Variants in SNX29 observed in about 807,000 individuals in gnomAD.
The protein encoded by SNX29 is sorting nexin 29, also known as sorting nexin-29.
A neutral mutation model predicts 102.1 loss-of-function variants in SNX29; 78 were observed. The observed-to-expected ratio is 0.76, with a 90% CI of 0.64 to 0.92. SNX29 has a LOEUF of 0.92. SNX29 is among the 40% of genes least tolerant of loss of function. The pLI is 0.00. For synonymous variants in SNX29, 580 were observed against 414.5 expected, an observed-to-expected ratio of 1.40 and a Z score of -4.85; for missense variants, 1,280 against 1,061.7, an observed-to-expected ratio of 1.21 and a Z score of -2.86.
At chr16:12,329,981 G>A (rs949484026) in intron 15 of SNX29, among the ~76,000 whole-genome samples, 3 of 152,204 alleles carry the variant, frequency 2.0e-5, no homozygotes, top group Admixed American at 1.3e-4. Context: ...GGGCTGTTGC[G>A]TCTGAGACAC....
chr16:12,336,710 C>T (rs770404258), intron 15 of SNX29, among the ~76,000 whole-genome samples: 7 of 152,026 alleles, frequency 4.6e-5, no homozygotes, highest in Non-Finnish European at 7.4e-5. Context: ...TTTGGGAGGC[C>T]GAAGCAGGAG....
chr16:12,502,942 A>C (rs573275708), intron 19 of SNX29, among the ~76,000 whole-genome samples: 11 of 152,302 alleles, frequency 7.2e-5, no homozygotes, highest in African/African-American at 2.4e-4. Context: ...GCAAAGAAGC[A>C]CTCACGTTGC....
In SNX29 at chr16:12,547,350, G is replaced by C. The variant is rs142147486; in HGVS notation, c.2319-21156G>C. ...AGGCCTTGCAGCCAAGGGAACTCTAGCTGCCATGTGGAGTCAGCAAAGGGT... is the reference window on the plus strand; with the variant it reads ...AGGCCTTGCAGCCAAGGGAACTCTACCTGCCATGTGGAGTCAGCAAAGGGT... On this transcript the variant is annotated intron_variant, in intron 20 of 20. Transcript: ENST00000566228. Among the ~76,000 whole-genome samples, 27 of 152,344 alleles carry C rather than the reference G, an allele frequency of 1.8e-4. No individual in the cohort carries two copies. The East Asian group carries it at 4.6e-3, about 26-fold the overall frequency.
intron 20 of SNX29, among the ~76,000 whole-genome samples, chr16:12,525,571 A>G (rs1275793201): frequency 6.6e-6 from 1 of 151,936 alleles, no homozygotes; most frequent in Non-Finnish European, 1.5e-5. Flanking sequence ...AGGCGCCTGT[A>G]GTCCCAGCTA....
intron 14 of SNX29, among the ~76,000 whole-genome samples, chr16:12,256,834 C>A (rs574526702): frequency 2.0e-5 from 3 of 152,330 alleles, no homozygotes; most frequent in South Asian, 2.1e-4. Context: ...CACATGCTCA[C>A]AACCATTGGT....
chr16:12,365,414 G>A (rs1178829319), intron 16 of SNX29, among the ~76,000 whole-genome samples: 1 of 151,870 alleles, frequency 6.6e-6, no homozygotes, highest in African/African-American at 2.4e-5. Context: ...CGGAGGCCGG[G>A]CGTGGTGGCT....
chr16:12,328,576 T>G (rs775643596), intron 15 of SNX29, among the ~76,000 whole-genome samples: 15 of 152,044 alleles, frequency 9.9e-5, no homozygotes, highest in Non-Finnish European at 2.1e-4. Context: ...TTCCTCGTTC[T>G]CTGTCCCCAG....
chr16:12,158,501 G>A (rs1366454388), intron 13 of SNX29, among the ~76,000 whole-genome samples: 1 of 152,192 alleles, frequency 6.6e-6, no homozygotes, highest in East Asian at 1.9e-4. Flanking sequence ...CACCCAGCCG[G>A]TTTTAATTGT....
chr16:12,132,151 T>G (rs978460980), intron 13 of SNX29, among the ~76,000 whole-genome samples: 1 of 150,680 alleles, frequency 6.6e-6, no homozygotes, highest in South Asian at 2.1e-4. Context: ...CAGGCTGGAG[T>G]GCAGTGGCAT....
Position 12,572,353 on chromosome 16 carries a change from C to G in SNX29, c.*3724C>G, listed in dbSNP as rs888955622. 1 of 1,062,030 alleles carries G rather than the reference C, an allele frequency of 9.4e-7. No individual in the cohort carries two copies. The highest frequency in any genetic ancestry group is 1.6e-5 in the African/African-American group (1 of 60,948). The allele number at this position is 1,062,030 out of a possible 1,614,324, so 65.8% of individuals were successfully genotyped here. A position where few individuals can be genotyped will look rare whatever the true frequency, so the allele number is the denominator to read the frequency against. On this transcript the variant is annotated 3_prime_UTR_variant, in exon 21 of 21. Transcript: ENST00000566228. ...CCCACCAGCCTGCCTGGTTGATGGA[C>G]AGCAGGCTCTGCCTTCTGGAGGCGG... is the stretch of plus-strand genomic sequence containing the variant.
intron 10 of SNX29, among the ~76,000 whole-genome samples, chr16:12,077,928 A>T (rs2051662566): frequency 6.6e-6 from 1 of 152,144 alleles, no homozygotes; most frequent in Non-Finnish European, 1.5e-5. Context: ...GCCTGGTCAC[A>T]GCATTTTTAT....
intron 20 of SNX29, among the ~76,000 whole-genome samples, chr16:12,567,694 C>A (rs779476294): frequency 1.3e-5 from 2 of 152,092 alleles, no homozygotes; most frequent in African/African-American, 4.8e-5. Flanking sequence ...CCCAGGAGAT[C>A]GAGGCTGCAG....
chr16:12,340,587 A>C (rs1395303622), intron 15 of SNX29, among the ~76,000 whole-genome samples: 1 of 152,190 alleles, frequency 6.6e-6, no homozygotes, highest in Non-Finnish European at 1.5e-5. Flanking sequence ...TCTGGAGCAG[A>C]GTGACCACTT....
chr16:12,155,154 G>A (rs181935452), intron 13 of SNX29, among the ~76,000 whole-genome samples: 7 of 152,140 alleles, frequency 4.6e-5, no homozygotes, highest in East Asian at 3.9e-4. Flanking sequence ...CACCCCTTCC[G>A]CGCCCAGGGG....
intron 3 of SNX29, among the ~76,000 whole-genome samples, chr16:12,007,453 C>T (rs932329953): frequency 6.6e-6 from 1 of 151,728 alleles, no homozygotes; most frequent in South Asian, 2.1e-4. Context: ...TGCAGTAAGC[C>T]GAGATCACAC....
intron 15 of SNX29, among the ~76,000 whole-genome samples, chr16:12,294,608 G>A (rs1293123458): frequency 1.3e-5 from 2 of 152,152 alleles, no homozygotes; most frequent in East Asian, 1.9e-4. Flanking sequence ...AGCTGGTCCC[G>A]CCTCCCTGCC....
At chr16:12,256,075 G>C (rs1378067580) in intron 14 of SNX29, among the ~76,000 whole-genome samples, 1 of 152,158 alleles carries the variant, frequency 6.6e-6, no homozygotes, top group Non-Finnish European at 1.5e-5. Flanking sequence ...CTTAACAGGT[G>C]TGAGGTGCTA....
At chr16:12,347,856 T>A (rs2081862395) in intron 15 of SNX29, among the ~76,000 whole-genome samples, 1 of 151,284 alleles carries the variant, frequency 6.6e-6, no homozygotes, top group Non-Finnish European at 1.5e-5. Context: ...GGCAGGAGGA[T>A]TCCTTGAGTC....
At chr16:12,014,741 A>AG (rs1025985057) in intron 3 of SNX29, among the ~76,000 whole-genome samples, 5 of 151,676 alleles carry the variant, frequency 3.3e-5, no homozygotes, top group Admixed American at 1.3e-4. Context: ...TCAAAAAAAA[A>AG]AAAAAAAAAG....
Sources: gnomAD v4.1 joint callset for allele counts (sites outside exome capture counted in the v4.1 genomes callset) on GRCh38, gnomAD v4.1.1 for gene constraint, MANE v1.5 for transcripts, NCBI Gene and HGNC (gene_info 2026-07-23, HGNC 2026-07-21) for gene names.